Variants in SLC38A10 observed in about 807,000 individuals in gnomAD.
SLC38A10 encodes the protein solute carrier family 38 member 10, also known as Sodium-coupled neutral amino acid transporter 10.
In SLC38A10, 53 loss-of-function variants were observed where a neutral mutation model predicts 81.0. The ratio of observed to expected loss-of-function variants is 0.65; its 90% CI spans 0.53 to 0.82. The LOEUF (loss-of-function observed/expected upper bound fraction) is 0.82. SLC38A10 is among the 40% of genes least tolerant of loss of function. The pLI is 0.00. For missense variants in SLC38A10, 1,471 were observed against 1,545.0 expected (o/e 0.95, Z 0.80); for synonymous variants, 665 against 655.3 (o/e 1.01, Z -0.23).
chr17:81,275,980 A>G lies in SLC38A10; in HGVS notation c.901T>C (p.Cys301Arg), dbSNP rs201289413. The G allele has an allele frequency of 6.2e-7, 1 of 1,613,334 alleles. No individual in the cohort carries two copies. The highest frequency in any genetic ancestry group is 8.5e-7 in the Non-Finnish European group (1 of 1,179,852). ...PCRQALSTLLCEQQQKDGTFA... is the reference protein window; with the variant it reads ...PCRQALSTLLREQQQKDGTFA... ...CCCGAGGGTCTTACCTGCTGCTCAC[A>G]CAGCAGCGTGCTCAGGGCCTGCCTG... is the stretch of plus-strand genomic sequence containing the variant. Residue 301 changes from cysteine (C) to arginine (R), a missense_variant, in exon 8 of 16, where the codon TGT (cysteine) becomes CGT (arginine). Transcript: ENST00000374759.
intron 10 of SLC38A10, among the ~76,000 whole-genome samples, chr17:81,269,846 G>C (rs1402262375): frequency 6.6e-6 from 1 of 151,288 alleles, no homozygotes; most frequent in Non-Finnish European, 1.5e-5. Context: ...AGCCCGGCGT[G>C]GTGGCTACTC....
At position 81,246,084 on chromosome 17, in the gene SLC38A10, C is replaced by G; in HGVS notation, c.2832G>C (p.Gly944=). 6.2e-7 allele frequency: 1 copy of G among 1,608,640 alleles called. No homozygotes were observed. The highest frequency in any genetic ancestry group is 8.5e-7 in the Non-Finnish European group (1 of 1,179,608). ...DLGLAADLPG[G]AEGAAAQPQA... ...GGGGCTGTGCAGCTGCTCCTTCCGC[C>G]CCACCGGGCAGGTCCGCTGCAAGGC... is the stretch of plus-strand genomic sequence containing the variant. Residue 944 remains glycine (G), a synonymous_variant, in exon 16 of 16, where the codon GGG becomes GGC. Coordinates refer to ENST00000374759, the MANE Select transcript of SLC38A10 (RefSeq NM_001037984.3).
intron 8 of SLC38A10, among the ~76,000 whole-genome samples, chr17:81,274,470 A>C (rs1375551359): frequency 6.6e-6 from 1 of 152,224 alleles, no homozygotes; most frequent in Non-Finnish European, 1.5e-5. Flanking sequence ...GCCTTGGCTG[A>C]AACAGTTCAA....
At chr17:81,272,125 C>G (rs763562432) in intron 9 of SLC38A10, among the ~76,000 whole-genome samples, 1 of 151,918 alleles carries the variant, frequency 6.6e-6, no homozygotes, top group African/African-American at 2.4e-5. Context: ...CTCCTCCTCC[C>G]GGGTTCAAGT....
In SLC38A10 at chr17:81,252,456, C is replaced by T. The variant is rs778897620; in HGVS notation, c.1684G>A (p.Gly562Arg). The change falls in exon 13 of 16, where the codon GGA (glycine) becomes AGA (arginine). Residue 562 changes from glycine to arginine, a missense_variant. Physicochemically the swap from Gly to Arg is moderately radical, Grantham distance 125. Around this residue, in one of 2 missense-constraint regions of SLC38A10, gnomAD observed 720 missense variants for 827.7 expected, o/e 0.87. Coordinates refer to ENST00000374759, the MANE Select transcript of SLC38A10 (RefSeq NM_001037984.3). ...GCCTCCTCCAAGGCCTGGGCCTGTC[C>T]AGGCCTCTTCCCAACCTCTCCCTGC... ...PEQGEVGKRP[G>R]QAQALEEAGD... 2 of 1,613,316 alleles carry T rather than the reference C, an allele frequency of 1.2e-6. No individual in the cohort carries two copies. The highest frequency in any genetic ancestry group is 1.7e-6 in the Non-Finnish European group (2 of 1,179,986).
chr17:81,287,720 T>C (rs2063279376), intron 2 of SLC38A10, among the ~76,000 whole-genome samples: 1 of 152,172 alleles, frequency 6.6e-6, no homozygotes, highest in South Asian at 2.1e-4. Flanking sequence ...ACCCGGCAAT[T>C]TTCTTCCAGT....
Position 81,294,818 on chromosome 17 carries a change from C to T in SLC38A10, c.99+5G>A. On this transcript the variant is annotated splice_donor_5th_base_variant and intron_variant, in intron 1 of 15. Transcript: ENST00000374759. The stretch of plus-strand genomic sequence containing the variant: ...GGCGGTGATCTCCGGGCCCACCGGA[C>T]TCACCTGTTTGAAGCAGAAGGGCAT... 6.3e-7 allele frequency: 1 copy of T among 1,581,694 alleles called. No individual in the cohort carries two copies. Among genetic ancestry groups the T allele is most frequent in the South Asian group, 1.1e-5 (1 of 87,338 alleles).
chr17:81,252,616 TACC>T lies in SLC38A10; in HGVS notation c.1521_1523del (p.Val508del). On this transcript the variant is annotated inframe_deletion, in exon 13 of 16. Coordinates refer to ENST00000374759, the MANE Select transcript of SLC38A10 (RefSeq NM_001037984.3). ...GCACCTCTCGGTCTTGGCCTTCATCTACCACCACCTTGTCGTGAGGAACAGGAG... is the reference window on the plus strand; with the variant it reads ...GCACCTCTCGGTCTTGGCCTTCATCTACCACCTTGTCGTGAGGAACAGGAG... 6.2e-7 allele frequency: 1 copy of T among 1,612,980 alleles called. No homozygotes were observed. Among genetic ancestry groups the T allele is most frequent in the South Asian group, 1.1e-5 (1 of 91,078 alleles).
chr17:81,268,425 A>G (rs374472045), intron 10 of SLC38A10, among the ~76,000 whole-genome samples: 37 of 150,820 alleles, frequency 2.5e-4, no homozygotes, highest in African/African-American at 7.8e-4. Flanking sequence ...TTTTTTTGAG[A>G]CGGAGTCTTT....
At position 81,282,315 on chromosome 17, in the gene SLC38A10, G is replaced by A; in HGVS notation, c.375C>T (p.Arg125=). The change falls in exon 5 of 16, where the codon CGC becomes CGT. Residue 125 remains arginine (R), a synonymous_variant. Transcript: ENST00000374759. ...LFGFQVGGTF[R]MFLLFAVSLC... ...GCGACACGGCGAACAGCAGGAACAT[G>A]CGGAAGGTGCCGCCCACCTGCGGGG... 1 of 1,612,442 alleles carries A rather than the reference G, an allele frequency of 6.2e-7. No homozygotes were observed. The highest frequency in any genetic ancestry group is 8.5e-7 in the Non-Finnish European group (1 of 1,179,584).
rs1297276788 is a variant in SLC38A10, at chr17:81,245,289, T to C, written c.*267A>G. 13 of 413,954 alleles carry C rather than the reference T, an allele frequency of 3.1e-5. No individual in the cohort carries two copies. In the Admixed American group the frequency reaches 3.3e-4, roughly 11 times the overall value. 25.6% of individuals were successfully genotyped at this position (413,954 alleles called of 1,614,324 possible). A position where few individuals can be genotyped will look rare whatever the true frequency, so the allele number is the denominator to read the frequency against. On this transcript the variant is annotated 3_prime_UTR_variant, in exon 16 of 16. Transcript: ENST00000374759. ...CCAGCCAGCTCGCAGCGGAGGCCGT[T>C]TCTCCTCACAGGCTGGAGTGAGCTC... is the stretch of plus-strand genomic sequence containing the variant.
In SLC38A10 at chr17:81,252,329, T is replaced by C. The variant is rs957922245; in HGVS notation, c.1811A>G (p.His604Arg). Residue 604 changes from histidine (H) to arginine (R), a missense_variant, in exon 13 of 16, where the codon CAT becomes CGT. Physicochemically the swap from His to Arg is conservative, Grantham distance 29 (BLOSUM62 0). Transcript: ENST00000374759. ...AGACAGCACTGCCTGGGGCCGAGGA[T>C]GCAGGCCCCTGTCTCCTGGCCCCAG... ...EDLGPGDRGLHPRPQAVLSEQ... is the reference protein window; with the variant it reads ...EDLGPGDRGLRPRPQAVLSEQ... The C allele has an allele frequency of 2.5e-6, 4 of 1,612,710 alleles. No homozygotes were observed. The African/African-American group carries it at 5.3e-5, about 22-fold the overall frequency.
At chr17:81,284,971 T>A in intron 2 of SLC38A10, 76 bp from the exon 3 acceptor site, 1 of 1,377,348 alleles carries the variant, frequency 7.3e-7, no homozygotes, top group Non-Finnish European at 9.8e-7. Context: ...TGAGCCAAGC[T>A]GTCAAGGGCG....
chr17:81,251,590 C>G lies in SLC38A10; in HGVS notation c.1968G>C (p.Ala656=), dbSNP rs767597459. The G allele has an allele frequency of 2.7e-6, 4 of 1,492,414 alleles. No homozygotes were observed. In the South Asian group the frequency reaches 5.4e-5, roughly 20 times the overall value. The allele number at this position is 1,492,414 out of a possible 1,614,324, so 92.4% of individuals were successfully genotyped here. The change falls in exon 14 of 16, where the codon GCG becomes GCC. Residue 656 remains alanine, a synonymous_variant. Coordinates refer to ENST00000374759, the MANE Select transcript of SLC38A10 (RefSeq NM_001037984.3). Reference sequence around the variant, plus strand: ...GCCCAGGCCCTGGAGCCGGCTTCTCCGCTGGGAGGGGAGGCTTCCCACCTG... The same window carrying G: ...GCCCAGGCCCTGGAGCCGGCTTCTCGGCTGGGAGGGGAGGCTTCCCACCTG... ...SDHGGKPPLP[A]EKPAPGPGLP... is the part of the protein sequence containing the mutation.
chr17:81,279,810 TA>T (rs1250103681), intron 6 of SLC38A10: 15 of 164,656 alleles, frequency 9.1e-5, no homozygotes, highest in African/African-American at 3.3e-4. Context: ...AATGGGATAT[TA>T]AACAGCAAGA....
chr17:81,272,392 T>C, intron 9 of SLC38A10, 124 bp downstream of exon 9: 1 of 523,358 alleles, frequency 1.9e-6, no homozygotes, highest in Non-Finnish European at 3.2e-6. Context: ...TGACAAAGTC[T>C]CTAGACTTTT....
rs1250749377 is a variant in SLC38A10, at chr17:81,265,724, G to T, written c.1131+5194C>A. Among the ~76,000 whole-genome samples, 2 of 152,256 alleles carry T rather than the reference G, an allele frequency of 1.3e-5. No homozygotes were observed. The highest frequency in any genetic ancestry group is 3.2e-3 in the Middle Eastern group (1 of 316). On this transcript the variant is annotated intron_variant, in intron 10 of 15. Transcript: ENST00000374759. The surrounding 1 kb of genome is among the most constrained non-coding windows in gnomAD (Gnocchi z 4.2). ...GCCCCTGGGACAGTGGCCACGCCGAGATGTGGCGCCACAGGCCCAGGGTAC... is the reference window on the plus strand; with the variant it reads ...GCCCCTGGGACAGTGGCCACGCCGATATGTGGCGCCACAGGCCCAGGGTAC...
rs576379857 is a variant in SLC38A10 at position 81,276,251 on chromosome 17, C to T, written c.730-100G>A. 2.2e-5 allele frequency: 24 copies of T among 1,099,140 alleles called. No homozygotes were observed. In the South Asian group the frequency reaches 4.2e-4, roughly 19 times the overall value. 68.1% of individuals were successfully genotyped at this position (1,099,140 alleles called of 1,614,324 possible). On this transcript the variant is annotated intron_variant, in intron 7 of 15. Transcript: ENST00000374759. This position sits in a 1 kb window ranked among gnomAD's most constrained non-coding sequence, Gnocchi z 4.7. ...CATGGGGGGGACCTGTGCCCTGCCC[C>T]CCAGAATGGCCTTCAATCCACTTCA...
In SLC38A10 at chr17:81,283,874, T is replaced by C. The variant is rs139221749; in HGVS notation, c.264-372A>G. ...ATCCGCCTGCCTCAGCCTCCCAAAG[T>C]GCTGGGATTACAGGCGTGAGCCACT... On this transcript the variant is annotated intron_variant, in intron 3 of 15. Transcript: ENST00000374759. The surrounding 1 kb of genome is among the most constrained non-coding windows in gnomAD (Gnocchi z 4.7). Among the ~76,000 whole-genome samples, 17,923 of 149,838 alleles carry C rather than the reference T, an allele frequency of 0.12. 1,048 individuals carry two copies. Among genetic ancestry groups the C allele is most frequent in the African/African-American group, 0.14 (5,743 of 40,886 alleles).
Sources: allele counts gnomAD v4.1 joint callset (sites outside exome capture counted in the v4.1 genomes callset), GRCh38; gene constraint gnomAD v4.1.1; regional missense constraint gnomAD v4.1.1; non-coding constraint Gnocchi (gnomAD v3.1); transcripts MANE v1.5; gene names NCBI Gene and HGNC (gene_info 2026-07-23, HGNC 2026-07-21).